CAVIN2: variants seen among roughly 807,000 people sequenced by gnomAD.
CAVIN2 encodes the protein caveolae-associated protein 2.
CAVIN2 carries 13 observed loss-of-function variants against 11.7 expected under a neutral mutation model. The ratio of observed to expected loss-of-function variants is 1.11; its 90% confidence interval spans 0.72 to 1.77. The LOEUF is 1.77. Ranked by LOEUF, CAVIN2 falls within the 40% of genes most tolerant of loss-of-function variation. The pLI, the probability that CAVIN2 is intolerant of heterozygous loss-of-function variation, is 0.00. For synonymous variants in CAVIN2, 237 were observed against 223.2 expected (o/e 1.06, Z -0.55); for missense variants, 549 against 542.9 (o/e 1.01, Z -0.11).
chr2:191,843,829 A>G (rs1419236859), intron 1 of CAVIN2, among the ~76,000 whole-genome samples: 3 of 152,202 alleles, frequency 2.0e-5, no homozygotes, highest in East Asian at 3.8e-4. Context: ...GTCCTTGCTA[A>G]CTATTTTAAA....
rs773465937 is a variant in CAVIN2, at chr2:191,835,980, C to G, written c.1221G>C (p.Glu407Asp). 1.2e-6 allele frequency: 2 copies of G among 1,614,164 alleles called. No homozygotes were observed. ...GCTGCACGGGGTCCCCATCGGAGCG[C>G]TCCGCCTCCTCGGATGTTAGCGCGT... ...GSYALTSEEAERSDGDPVQPA... is the reference protein window; with the variant it reads ...GSYALTSEEADRSDGDPVQPA... Residue 407 changes from glutamate (E) to aspartate (D), a missense_variant, in exon 2 of 2, where the codon GAG becomes GAC. Coordinates refer to ENST00000304141, the MANE Select transcript of CAVIN2 (RefSeq NM_004657.6).
In CAVIN2 at chr2:191,836,069, C is replaced by T. The variant is rs1690010731; in HGVS notation, c.1132G>A (p.Glu378Lys). The change falls in exon 2 of 2, where the codon GAA (glutamate) becomes AAA (lysine). Residue 378 changes from glutamate (E) to lysine (K), a missense_variant. Physicochemically the swap from Glu to Lys is moderately conservative, Grantham distance 56. Coordinates refer to ENST00000304141, the MANE Select transcript of CAVIN2 (RefSeq NM_004657.6). ...MDSNIDLTIV[E>K]DEEEESVALE... ...GCCACTGACTCCTCCTCTTCATCTT[C>T]CACAATAGTCAAGTCGATGTTGCTG... 6.8e-6 allele frequency: 11 copies of T among 1,614,254 alleles called. No homozygotes were observed. Among genetic ancestry groups the T allele is most frequent in the South Asian group, 1.1e-5 (1 of 91,090 alleles).
At chr2:191,844,482 G>A (rs189184523) in intron 1 of CAVIN2, among the ~76,000 whole-genome samples, 1 of 152,210 alleles carries the variant, frequency 6.6e-6, no homozygotes, top group Admixed American at 6.5e-5. Context: ...CTCCTAAAAT[G>A]CTCTTTAAAG....
chr2:191,840,042 G>A (rs1031512614), intron 1 of CAVIN2, among the ~76,000 whole-genome samples: 1 of 152,122 alleles, frequency 6.6e-6, no homozygotes, highest in Non-Finnish European at 1.5e-5. Context: ...GCCCTCTCCT[G>A]AGGTGCCTAA....
intron 1 of CAVIN2, among the ~76,000 whole-genome samples, chr2:191,841,438 A>C (rs538667238): frequency 1.6e-4 from 24 of 152,232 alleles, no homozygotes; most frequent in Non-Finnish European, 2.2e-4. Context: ...TCTATTATTA[A>C]TAATAAAATG....
rs1391231983 is a variant in CAVIN2 at position 191,835,878 on chromosome 2, G to A, written c.*45C>T. The A allele has an allele frequency of 6.4e-7, 1 of 1,557,792 alleles. No individual in the cohort carries two copies. Among genetic ancestry groups the A allele is most frequent in the Admixed American group, 1.8e-5 (1 of 56,220 alleles). On this transcript the variant is annotated 3_prime_UTR_variant, in exon 2 of 2. Coordinates refer to ENST00000304141, the MANE Select transcript of CAVIN2 (RefSeq NM_004657.6). The stretch of plus-strand genomic sequence containing the variant: ...TGCAAGAGTTTGTTCTTCAGCCCTG[G>A]CTGCCCGCTTGAGCACAGCACAGGA...
chr2:191,835,949 C>T lies in CAVIN2; in HGVS notation c.1252G>A (p.Val418Met), dbSNP rs768293117. The T allele has an allele frequency of 6.5e-5, 105 of 1,612,978 alleles. No individual in the cohort carries two copies. Among genetic ancestry groups the T allele is most frequent in the Non-Finnish European group, 8.5e-5 (100 of 1,179,838 alleles). ...RSDGDPVQPA[V>M]LQVHQTS ...CAGGAGGTCTGGTGCACCTGGAGCA[C>T]GGCGGGCTGCACGGGGTCCCCATCG... The change falls in exon 2 of 2, where the codon GTG becomes ATG. Residue 418 changes from valine (V) to methionine (M), a missense_variant. Physicochemically the swap from Val to Met is conservative, Grantham distance 21. Coordinates refer to ENST00000304141, the MANE Select transcript of CAVIN2 (RefSeq NM_004657.6).
At chr2:191,840,385 T>C (rs535739033) in intron 1 of CAVIN2, among the ~76,000 whole-genome samples, 2 of 152,302 alleles carry the variant, frequency 1.3e-5, no homozygotes, top group African/African-American at 4.8e-5. Flanking sequence ...AGAGAGCTGA[T>C]TATTTACCCT....
In CAVIN2 at chr2:191,836,502, T is replaced by G. The variant is rs776285352; in HGVS notation, c.699A>C (p.Arg233Ser). The G allele has an allele frequency of 2.5e-6, 4 of 1,614,034 alleles. No individual in the cohort carries two copies. In the South Asian group the frequency reaches 4.4e-5, roughly 18 times the overall value. The part of the protein sequence containing the change: ...VEESRAEKIK[R>S]SSLKKVDSLK... ...GGCTATCCACTTTCTTCAGGCTGGA[T>G]CTTTTTATTTTCTCTGCCCTACTTT... Residue 233 changes from arginine to serine, a missense_variant, in exon 2 of 2, where the codon AGA becomes AGC. Physicochemically the swap from Arg to Ser is moderately radical, Grantham distance 110. Transcript: ENST00000304141.
At chr2:191,843,412 G>A (rs1690121432) in intron 1 of CAVIN2, among the ~76,000 whole-genome samples, 2 of 152,154 alleles carry the variant, frequency 1.3e-5, no homozygotes, top group African/African-American at 4.8e-5. Flanking sequence ...GGGGAAGTCT[G>A]GCATAGGGTT....
intron 1 of CAVIN2, among the ~76,000 whole-genome samples, chr2:191,843,196 GA>G (rs1293614005): frequency 2.0e-5 from 3 of 151,756 alleles, no homozygotes; most frequent in Non-Finnish European, 4.4e-5. Flanking sequence ...AGAAAAAAAA[GA>G]AAAAAAATGT....
Position 191,846,620 on chromosome 2 carries a change from C to T in CAVIN2, c.306G>A (p.Lys102=). ...GIQNDLTKLS[K]YQASTSNTVS... The stretch of plus-strand genomic sequence containing the variant: ...CCGTGTTGCTGGTGGAGGCCTGGTA[C>T]TTGGAGAGCTTGGTGAGGTCATTCT... The change falls in exon 1 of 2, where the codon AAG becomes AAA. Residue 102 remains lysine (K), a synonymous_variant. Transcript: ENST00000304141. 2 of 1,614,256 alleles carry T rather than the reference C, an allele frequency of 1.2e-6. No individual in the cohort carries two copies. The highest frequency in any genetic ancestry group is 2.2e-5 in the South Asian group (2 of 91,088).
Position 191,846,474 on chromosome 2 carries a change from C to CG in CAVIN2, c.451dup (p.Arg151ProfsTer15), listed in dbSNP as rs1559031294. 2 of 1,613,646 alleles carry CG rather than the reference C, an allele frequency of 1.2e-6. No homozygotes were observed. Among genetic ancestry groups the CG allele is most frequent in the East Asian group, 2.2e-5 (1 of 44,876 alleles). ...GATGAGCACTTTGAAATGGTTGCGT[C>CG]GGAGGAGCTGGGCGTGGTTGTTCTC... is the stretch of plus-strand genomic sequence containing the variant. On this transcript the variant is annotated frameshift_variant, in exon 1 of 2. Coordinates refer to ENST00000304141, the MANE Select transcript of CAVIN2 (RefSeq NM_004657.6). LOFTEE classifies it low-confidence loss of function (END_TRUNC).
chr2:191,846,951 C>T lies in CAVIN2; in HGVS notation c.-26G>A. 1 of 1,572,486 alleles carries T rather than the reference C, an allele frequency of 6.4e-7. No homozygotes were observed. The highest frequency in any genetic ancestry group is 8.6e-7 in the Non-Finnish European group (1 of 1,163,056). On this transcript the variant is annotated 5_prime_UTR_variant, in exon 1 of 2. Coordinates refer to ENST00000304141, the MANE Select transcript of CAVIN2 (RefSeq NM_004657.6). ...GGCTAGGCAGGTGGGAACGTTCTTTCTCTCTGGGAGCTGCTTCTTGCTCGG... is the reference window on the plus strand; with the variant it reads ...GGCTAGGCAGGTGGGAACGTTCTTTTTCTCTGGGAGCTGCTTCTTGCTCGG...
chr2:191,837,797 C>T (rs1690043703), intron 1 of CAVIN2, among the ~76,000 whole-genome samples: 1 of 152,210 alleles, frequency 6.6e-6, no homozygotes, highest in Non-Finnish European at 1.5e-5. Flanking sequence ...AGCAAGATGT[C>T]TTCACATCTT....
chr2:191,841,949 T>C (rs1559030357), intron 1 of CAVIN2, among the ~76,000 whole-genome samples: 1 of 152,188 alleles, frequency 6.6e-6, no homozygotes, highest in Non-Finnish European at 1.5e-5. Flanking sequence ...AAGTAACACA[T>C]CAAAACTAAT....
chr2:191,843,651 G>C (rs1690126230), intron 1 of CAVIN2, among the ~76,000 whole-genome samples: 1 of 152,176 alleles, frequency 6.6e-6, no homozygotes, highest in Admixed American at 6.5e-5. Context: ...ACAATACATG[G>C]TTCTCTGTGT....
rs1689994955 is a variant in CAVIN2 at position 191,835,209 on chromosome 2, C to T, written c.*714G>A. 6.6e-6 allele frequency: 1 copy of T among 152,060 alleles called. No individual in the cohort carries two copies. Among genetic ancestry groups the T allele is most frequent in the African/African-American group, 2.4e-5 (1 of 41,442 alleles). 9.4% of individuals were successfully genotyped at this position (152,060 alleles called of 1,614,324 possible). On this transcript the variant is annotated 3_prime_UTR_variant, in exon 2 of 2. Transcript: ENST00000304141. ...TAAGTATTTTACTTTCAAGCACATA[C>T]ATTTTTTCTCTGTTTTCATTCTTTT...
Position 191,836,500 on chromosome 2 carries a change from G to C in CAVIN2, c.701C>G (p.Ser234Cys), listed in dbSNP as rs748628852. 2 of 1,614,096 alleles carry C rather than the reference G, an allele frequency of 1.2e-6. No homozygotes were observed. Among genetic ancestry groups the C allele is most frequent in the Non-Finnish European group, 8.5e-7 (1 of 1,180,016 alleles). The part of the protein sequence containing the change: ...EESRAEKIKR[S>C]SLKKVDSLKK... ...GAGGCTATCCACTTTCTTCAGGCTG[G>C]ATCTTTTTATTTTCTCTGCCCTACT... The change falls in exon 2 of 2, where the codon TCC becomes TGC. Residue 234 changes from serine to cysteine, a missense_variant. By Grantham distance (112) the Ser-to-Cys change is moderately radical. Transcript: ENST00000304141.
Sources: allele counts gnomAD v4.1 joint callset (sites outside exome capture counted in the v4.1 genomes callset), GRCh38; gene constraint gnomAD v4.1.1; transcripts MANE v1.5; gene names NCBI Gene and HGNC (gene_info 2026-07-23, HGNC 2026-07-21).